The following TCHP variants were observed in gnomAD, a reference collection of about 807,000 sequenced individuals.
TCHP encodes trichoplein keratin filament-binding protein.
In TCHP, 81 loss-of-function variants were observed where a neutral mutation model predicts 88.7. The observed-to-expected ratio is 0.91, with a 90% CI of 0.76 to 1.10. The LOEUF is 1.10. Among genes scored for constraint, TCHP ranks in the 50% least tolerant of loss-of-function variants. The pLI, the probability that TCHP is intolerant of heterozygous loss-of-function variation, is 0.00. For missense variants in TCHP, 641 were observed against 632.1 expected, an observed-to-expected ratio of 1.01 and a Z score of -0.15; for synonymous variants, 232 against 232.5, an observed-to-expected ratio of 1.00 and a Z score of 0.02.
At chr12:109,900,108 C>G (rs554713772), upstream of TCHP, among the ~76,000 whole-genome samples, 1 of 152,378 alleles carries the variant, frequency 6.6e-6, no homozygotes, top group African/African-American at 2.4e-5. Context: ...ATGGTAACCA[C>G]CATCCTGAAA....
Position 109,916,765 on chromosome 12 carries a change from T to C in TCHP, c.*142T>C. The C allele has an allele frequency of 1.4e-6, 1 of 730,566 alleles. No homozygotes were observed. 45.3% of individuals were successfully genotyped at this position (730,566 alleles called of 1,614,324 possible). The stretch of plus-strand genomic sequence containing the variant: ...CAGCAGTGCCTGCTCAGGTTCATCA[T>C]TGAAACATCCCAGTGTTTGGCCAGA... On this transcript the variant is annotated 3_prime_UTR_variant, in exon 13 of 13. Coordinates refer to ENST00000405876, the MANE Select transcript of TCHP (RefSeq NM_001143852.2).
the TCHP span, among the ~76,000 whole-genome samples, chr12:109,884,992 G>A: frequency 6.6e-6 from 1 of 152,162 alleles, no homozygotes; most frequent in Non-Finnish European, 1.5e-5. Context: ...TTTTTGAGAC[G>A]GAGTCTCACT....
At chr12:109,907,046 C>T (rs1375728089) in intron 5 of TCHP, among the ~76,000 whole-genome samples, 2 of 152,130 alleles carry the variant, frequency 1.3e-5, no homozygotes, top group East Asian at 1.9e-4. Context: ...CGCACCACTG[C>T]GCCCAGCTAA....
the TCHP span, among the ~76,000 whole-genome samples, chr12:109,884,592 C>T: frequency 2.6e-5 from 4 of 152,198 alleles, no homozygotes; most frequent in Admixed American, 6.5e-5. Flanking sequence ...TCCAGTTCTT[C>T]AAGGGAAACC....
chr12:109,900,288 T>C lies in TCHP; in HGVS notation c.-139T>C, dbSNP rs1218915771. 2 of 152,026 alleles carry C rather than the reference T, an allele frequency of 1.3e-5. No individual in the cohort carries two copies. The highest frequency in any genetic ancestry group is 2.9e-5 in the Non-Finnish European group (2 of 68,004). 9.4% of individuals were successfully genotyped at this position (152,026 alleles called of 1,614,324 possible). A position where few individuals can be genotyped will look rare whatever the true frequency, so the allele number is the denominator to read the frequency against. On this transcript the variant is annotated 5_prime_UTR_variant, in exon 1 of 13. Coordinates refer to ENST00000405876, the MANE Select transcript of TCHP (RefSeq NM_001143852.2). ...TGCGACGCTCCGTCGTCGGGCTCGT[T>C]GCCGGTGCAAACAGGGAGGAAACAG...
chr12:109,892,203 T>C, the TCHP span, among the ~76,000 whole-genome samples: 1 of 152,102 alleles, frequency 6.6e-6, no homozygotes, highest in African/African-American at 2.4e-5. Flanking sequence ...AAATCATTTA[T>C]TTAATGCTTC....
chr12:109,914,345 C>A, intron 10 of TCHP, 97 bp from the exon 11 acceptor site: 2 of 1,141,800 alleles, frequency 1.8e-6, no homozygotes, highest in Non-Finnish European at 2.5e-6. Flanking sequence ...AAGGATGAGG[C>A]TGGGCCTTGC....
rs1870848700 is a variant in TCHP, at chr12:109,916,864, A to G, written c.*241A>G. ...GGGTCTTTGATGGGCACGTGTTTAC[A>G]GCGCTGCTGCATAGTCTTGTAATAT... On this transcript the variant is annotated 3_prime_UTR_variant, in exon 13 of 13. Coordinates refer to ENST00000405876, the MANE Select transcript of TCHP (RefSeq NM_001143852.2). 1.9e-6 allele frequency: 1 copy of G among 518,242 alleles called. No individual in the cohort carries two copies. The highest frequency in any genetic ancestry group is 3.4e-6 in the Non-Finnish European group (1 of 293,968). The allele number at this position is 518,242 out of a possible 1,614,324, so 32.1% of individuals were successfully genotyped here. A position where few individuals can be genotyped will look rare whatever the true frequency, so the allele number is the denominator to read the frequency against.
At chr12:109,911,470 A>C (rs1870488936) in intron 9 of TCHP, among the ~76,000 whole-genome samples, 1 of 151,976 alleles carries the variant, frequency 6.6e-6, no homozygotes, top group Admixed American at 6.6e-5. Context: ...CAAATTGGCC[A>C]GGCGTGGTTG....
chr12:109,886,434 G>A, the TCHP span, among the ~76,000 whole-genome samples: 4 of 152,056 alleles, frequency 2.6e-5, no homozygotes, highest in African/African-American at 7.2e-5. Context: ...CACCATGCCC[G>A]GCCTATTATT....
rs1404983863 is a variant in TCHP at position 109,914,672 on chromosome 12, C to A, written c.1320+45C>A. ...CGGGAGGCACCGGGCCTGCCAGGTT[C>A]TCTGCATCATCATGGGACAGGGTTC... On this transcript the variant is annotated intron_variant, in intron 11 of 12. Coordinates refer to ENST00000405876, the MANE Select transcript of TCHP (RefSeq NM_001143852.2). 3.3e-6 allele frequency: 5 copies of A among 1,533,814 alleles called. No homozygotes were observed. The East Asian group carries it at 9.1e-5, about 28-fold the overall frequency.
At chr12:109,892,048 G>A in the TCHP span, among the ~76,000 whole-genome samples, 4 of 152,022 alleles carry the variant, frequency 2.6e-5, no homozygotes, top group Non-Finnish European at 5.9e-5. Flanking sequence ...TTAGCTGGGC[G>A]TGGTGGCGCA....
chr12:109,916,194 G>A (rs571611491), intron 12 of TCHP, among the ~76,000 whole-genome samples: 2 of 152,360 alleles, frequency 1.3e-5, no homozygotes, highest in East Asian at 1.9e-4. Flanking sequence ...GACACATGCT[G>A]CAGAATGAGG....
the TCHP span, among the ~76,000 whole-genome samples, chr12:109,883,473 C>A: frequency 1.3e-5 from 2 of 152,146 alleles, no homozygotes; most frequent in African/African-American, 4.8e-5. Flanking sequence ...CCCTGACATG[C>A]TCCATCAAGT....
chr12:109,883,676 T>C, the TCHP span, among the ~76,000 whole-genome samples: 1 of 152,190 alleles, frequency 6.6e-6, no homozygotes, highest in Non-Finnish European at 1.5e-5. Context: ...TTGCACCCTA[T>C]GTGGGGACCT....
intron 12 of TCHP, 122 bp from the exon 13 acceptor site, chr12:109,916,469 T>C: frequency 9.1e-7 from 1 of 1,103,614 alleles, no homozygotes; most frequent in Non-Finnish European, 1.3e-6. Flanking sequence ...GTCAGATTTT[T>C]TCAGCTGGAA....
At chr12:109,906,154 C>T (rs559091368) in intron 4 of TCHP, among the ~76,000 whole-genome samples, 2 of 152,322 alleles carry the variant, frequency 1.3e-5, no homozygotes, top group African/African-American at 4.8e-5. Context: ...GTACGTAGTC[C>T]ATCTGCTTTG....
chr12:109,906,885 C>T (rs938783607), intron 5 of TCHP, among the ~76,000 whole-genome samples: 3 of 152,046 alleles, frequency 2.0e-5, no homozygotes, highest in Non-Finnish European at 2.9e-5. Flanking sequence ...ACATACAGCA[C>T]GCGTCTTCTT....
chr12:109,888,274 T>C, the TCHP span: 1 of 152,260 alleles, frequency 6.6e-6, no homozygotes, highest in Non-Finnish European at 1.5e-5. Flanking sequence ...GCTTTGGCTA[T>C]GGGCCATCAG....
Sources: allele counts gnomAD v4.1 joint callset (sites outside exome capture counted in the v4.1 genomes callset), GRCh38; gene constraint gnomAD v4.1.1; transcripts MANE v1.5; gene names NCBI Gene and HGNC (gene_info 2026-07-23, HGNC 2026-07-21).